Variants in CRTC3 observed in about 807,000 individuals in gnomAD.
CRTC3 encodes the protein CREB-regulated transcription coactivator 3.
Under a neutral mutation model 74.5 loss-of-function variants are expected in CRTC3, and 26 were observed. The ratio of observed to expected loss-of-function variants is 0.35; its 90% confidence interval spans 0.26 to 0.48. The LOEUF is 0.48. Ranked by LOEUF, CRTC3 falls within the 20% of genes least tolerant of loss-of-function variation. The probability of loss-of-function intolerance (pLI) is 0.99; values close to 1 mark genes in which losing one functional copy is unlikely to be tolerated. For missense variants in CRTC3, 760 were observed against 787.3 expected, an observed-to-expected ratio of 0.97 and a Z score of 0.41; for synonymous variants, 377 against 325.8, an observed-to-expected ratio of 1.16 and a Z score of -1.69.
Position 90,629,791 on chromosome 15 carries a change from G to A in CRTC3, c.1266+259G>A, listed in dbSNP as rs543301461. 3.3e-5 allele frequency among the ~76,000 whole-genome samples: 5 copies of A among 152,174 alleles called. No homozygotes were observed. The South Asian group carries it at 1.0e-3, about 32-fold the overall frequency. On this transcript the variant is annotated intron_variant, in intron 11 of 14. Coordinates refer to ENST00000268184, the MANE Select transcript of CRTC3 (RefSeq NM_022769.5). ...CAGGCTGGAGTGCAGTGGCACAATCGCGGCTCACTGCAGCCTCACCTCCCG... is the reference window on the plus strand; with the variant it reads ...CAGGCTGGAGTGCAGTGGCACAATCACGGCTCACTGCAGCCTCACCTCCCG...
intron 11 of CRTC3, among the ~76,000 whole-genome samples, chr15:90,633,527 T>TG (rs1390125178): frequency 6.6e-6 from 1 of 152,198 alleles, no homozygotes; most frequent in Non-Finnish European, 1.5e-5. Flanking sequence ...GGAATCCCCC[T>TG]GCTCCACCCC....
rs71154113 is a variant in CRTC3 at position 90,566,551 on chromosome 15, TA to T, written c.231+26426del. 7.9e-3 allele frequency among the ~76,000 whole-genome samples: 1,133 copies of T among 143,344 alleles called. 43 individuals carry two copies. In the East Asian group the frequency reaches 0.12, roughly 15 times the overall value. The allele number at this position is 143,344 out of a possible 152,430, so 94.0% of individuals were successfully genotyped here. A position where few individuals can be genotyped will look rare whatever the true frequency, so the allele number is the denominator to read the frequency against. ...GGTGACAGACCAAGACTCTGTCTAT[TA>T]AAAAAAAAAAAGAGGAAGAAGAAGC... On this transcript the variant is annotated intron_variant, in intron 2 of 14. Transcript: ENST00000268184.
At chr15:90,620,061 C>T (rs912233803) in intron 9 of CRTC3, 8 of 386,480 alleles carry the variant, frequency 2.1e-5, no homozygotes, top group Non-Finnish European at 3.3e-5. Context: ...CACAACTCTC[C>T]GGGTAGAAGC....
At chr15:90,613,679 T>C (rs1382120382) in intron 6 of CRTC3, 1 of 152,230 alleles carries the variant, frequency 6.6e-6, no homozygotes, top group East Asian at 1.9e-4. Context: ...AAGTAAGCTA[T>C]ACTTAAAGGC....
At chr15:90,540,190 A>T in intron 2 of CRTC3, 53 bp downstream of exon 2, 1 of 1,197,128 alleles carries the variant, frequency 8.4e-7, no homozygotes, top group East Asian at 2.3e-5. Context: ...AAAAATAGAC[A>T]AAGATTATCA....
At chr15:90,559,196 A>G (rs1462561305) in intron 2 of CRTC3, among the ~76,000 whole-genome samples, 3 of 152,190 alleles carry the variant, frequency 2.0e-5, no homozygotes, top group African/African-American at 4.8e-5. Context: ...TATTTCTTGA[A>G]TGAATGAATC....
intron 13 of CRTC3, among the ~76,000 whole-genome samples, chr15:90,639,353 T>C (rs1309267628): frequency 6.6e-6 from 1 of 152,176 alleles, no homozygotes. Context: ...TTTTTAATAT[T>C]CTAGATTTTA....
At position 90,612,040 on chromosome 15, in the gene CRTC3, T is replaced by TCCA. The variant is rs1567184087; in HGVS notation, c.578-2411_578-2410insACC. ...AACCACCCCCCACTCCTCCTCCTCC[T>TCCA]CCTCCTCCTCCTCCTCCGCCTCCAC... On this transcript the variant is annotated intron_variant, in intron 6 of 14. Transcript: ENST00000268184. Among the ~76,000 whole-genome samples the TCCA allele has an allele frequency of 3.5e-5, 4 of 115,342 alleles. No homozygotes were observed. The East Asian group carries it at 1.2e-3, about 35-fold the overall frequency. The allele number at this position is 115,342 out of a possible 152,430, so 75.7% of individuals were successfully genotyped here.
intron 8 of CRTC3, among the ~76,000 whole-genome samples, chr15:90,618,495 G>A (rs559349602): frequency 5.4e-4 from 82 of 152,264 alleles, no homozygotes; most frequent in East Asian, 1.9e-4. Flanking sequence ...CCTCCACCTC[G>A]GCTCTCTAAA....
intron 1 of CRTC3, among the ~76,000 whole-genome samples, chr15:90,538,765 A>C (rs890514020): frequency 1.6e-5 from 2 of 124,952 alleles, no homozygotes. Context: ...TGGTAAACCA[A>C]ACTTCACCTT....
At chr15:90,616,232 G>C (rs887456618) in intron 7 of CRTC3, among the ~76,000 whole-genome samples, 1 of 152,116 alleles carries the variant, frequency 6.6e-6, no homozygotes, top group African/African-American at 2.4e-5. Context: ...ACAAAGCATG[G>C]CCTGGTTTAG....
intron 4 of CRTC3, among the ~76,000 whole-genome samples, chr15:90,603,426 G>A (rs963745729): frequency 6.6e-6 from 1 of 151,984 alleles, no homozygotes; most frequent in Non-Finnish European, 1.5e-5. Flanking sequence ...CTGGGTGACA[G>A]AGCGAGACTC....
At chr15:90,581,125 C>T (rs188463990) in intron 2 of CRTC3, among the ~76,000 whole-genome samples, 4 of 152,146 alleles carry the variant, frequency 2.6e-5, no homozygotes, top group Admixed American at 2.0e-4. Context: ...GGTCTGGTGG[C>T]GGCTAGATGG....
At chr15:90,632,985 GAATTT>G (rs1045105081) in intron 11 of CRTC3, among the ~76,000 whole-genome samples, 25 of 152,218 alleles carry the variant, frequency 1.6e-4, no homozygotes, top group African/African-American at 5.8e-4. Flanking sequence ...ATGAAGATTA[GAATTT>G]AATTCTCTTT....
intron 2 of CRTC3, among the ~76,000 whole-genome samples, chr15:90,586,362 C>CTTTTTT (rs55985691): frequency 1.2e-4 from 10 of 81,224 alleles, no homozygotes; most frequent in Non-Finnish European, 1.8e-4. Flanking sequence ...GGTAGAACTT[C>CTTTTTT]TTTTTTTTTT....
chr15:90,542,036 G>A (rs143452208), intron 2 of CRTC3, among the ~76,000 whole-genome samples: 2 of 151,934 alleles, frequency 1.3e-5, no homozygotes, highest in Admixed American at 1.3e-4. Context: ...CACCCACCTT[G>A]GCCTCCCAAA....
chr15:90,578,478 C>A lies in CRTC3; in HGVS notation c.232-15158C>A, dbSNP rs369230773. Among the ~76,000 whole-genome samples the A allele has an allele frequency of 3.1e-4, 47 of 151,776 alleles. No homozygotes were observed. In the Middle Eastern group the frequency reaches 0.01, roughly 33 times the overall value. ...CTGAGACAGGAGAATTGCTCGAACC[C>A]GGGAGACAGAGGGTATAGTAAGCTG... On this transcript the variant is annotated intron_variant, in intron 2 of 14. Coordinates refer to ENST00000268184, the MANE Select transcript of CRTC3 (RefSeq NM_022769.5).
chr15:90,572,791 G>A (rs1023777639), intron 2 of CRTC3, among the ~76,000 whole-genome samples: 1 of 152,048 alleles, frequency 6.6e-6, no homozygotes, highest in African/African-American at 2.4e-5. Context: ...GGCCAGGCTG[G>A]TCTTAAACTC....
chr15:90,543,550 A>G (rs1442880829), intron 2 of CRTC3, among the ~76,000 whole-genome samples: 2 of 152,176 alleles, frequency 1.3e-5, no homozygotes, highest in African/African-American at 4.8e-5. Context: ...ATTTATTGAA[A>G]TAAAAGTATG....
Sources: gnomAD v4.1 joint callset for allele counts (sites outside exome capture counted in the v4.1 genomes callset) on GRCh38, gnomAD v4.1.1 for gene constraint, MANE v1.5 for transcripts, NCBI Gene and HGNC (gene_info 2026-07-23, HGNC 2026-07-21) for gene names.